Variants in AGBL1 observed in about 807,000 individuals in gnomAD.
The protein encoded by AGBL1 is cytosolic carboxypeptidase 4.
Under a neutral mutation model 118.9 loss-of-function variants are expected in AGBL1, and 130 were observed. That is an observed-to-expected ratio of 1.09 (90% confidence interval 0.95 to 1.26). The LOEUF (loss-of-function observed/expected upper bound fraction) is 1.26, where lower values mean the gene tolerates loss of function less well. Among genes scored for constraint, AGBL1 ranks in the 50% most tolerant of loss-of-function variants. The pLI is 0.00. For missense variants in AGBL1, 1,584 were observed against 1,298.1 expected (o/e 1.22, Z -3.38); for synonymous variants, 555 against 478.9 (o/e 1.16, Z -2.08).
At chr15:86,735,033 A>C (rs1277876263) in intron 22 of AGBL1, among the ~76,000 whole-genome samples, 1 of 151,910 alleles carries the variant, frequency 6.6e-6, no homozygotes, top group Non-Finnish European at 1.5e-5. Context: ...TAGGCATCAT[A>C]CTCAGTGTGA....
rs565607356 is a variant in AGBL1 at position 86,466,033 on chromosome 15, G to C, written c.2556-56777G>C. Among the ~76,000 whole-genome samples the C allele has an allele frequency of 5.3e-5, 8 of 152,254 alleles. No individual in the cohort carries two copies. The South Asian group carries it at 1.7e-3, about 32-fold the overall frequency. On this transcript the variant is annotated intron_variant, in intron 18 of 22. Transcript: ENST00000614907. ...ATGTGATGTCACCCCTGGAGACCCA[G>C]CTGTAAAATTTCTTTCTTTTGTATT...
intron 21 of AGBL1, among the ~76,000 whole-genome samples, chr15:86,596,981 G>T (rs2084417725): frequency 6.6e-6 from 1 of 152,148 alleles, no homozygotes; most frequent in African/African-American, 2.4e-5. Flanking sequence ...GGACCAACAT[G>T]TGACAGATAT....
intron 24 of AGBL1, among the ~76,000 whole-genome samples, chr15:87,017,073 A>G (rs2594335): frequency 0.53 from 81,062 of 151,940 alleles, 24,495 homozygotes; most frequent in South Asian, 0.73. Context: ...ATACCTCACA[A>G]GTTAAGACAC....
intron 22 of AGBL1, among the ~76,000 whole-genome samples, chr15:86,788,003 G>C (rs2078438945): frequency 6.6e-6 from 1 of 152,074 alleles, no homozygotes; most frequent in South Asian, 2.1e-4. Flanking sequence ...CCACCTTCTT[G>C]AACATAAGAA....
intron 17 of AGBL1, among the ~76,000 whole-genome samples, chr15:86,343,338 T>C (rs1185975903): frequency 2.0e-5 from 3 of 151,998 alleles, no homozygotes; most frequent in Non-Finnish European, 4.4e-5. Context: ...AGTCCAGCTT[T>C]TGGTGGGGTC....
chr15:86,642,249 A>G (rs1043531523), intron 21 of AGBL1, among the ~76,000 whole-genome samples: 29 of 152,214 alleles, frequency 1.9e-4, no homozygotes, highest in African/African-American at 7.0e-4. Flanking sequence ...AACAATAAAG[A>G]GATCTGCCAT....
At chr15:86,294,437 C>A (rs1303356222) in intron 16 of AGBL1, among the ~76,000 whole-genome samples, 1 of 147,742 alleles carries the variant, frequency 6.8e-6, no homozygotes, top group Non-Finnish European at 1.5e-5. Context: ...GGATTGTTCA[C>A]CAGGTGTCCT....
intron 1 of AGBL1, among the ~76,000 whole-genome samples, chr15:86,080,512 T>C (rs186192311): frequency 3.3e-5 from 5 of 152,216 alleles, no homozygotes; most frequent in Non-Finnish European, 7.3e-5. Flanking sequence ...CGACTATCAG[T>C]GCATTTTCCC....
At chr15:86,809,655 G>A (rs191559129) in intron 22 of AGBL1, among the ~76,000 whole-genome samples, 221 of 152,264 alleles carry the variant, frequency 1.5e-3, no homozygotes, top group Non-Finnish European at 2.6e-3. Flanking sequence ...TTGGAATTAA[G>A]GGAAGAATGT....
rs987847689 is a variant in AGBL1 at position 86,245,369 on chromosome 15, C to T, written c.527-2302C>T. ...AGCCAGAAGCACATACTGTCTCATA[C>T]GCCAGTGTGAATGGTTTCGATGATG... On this transcript the variant is annotated intron_variant, in intron 6 of 22. Transcript: ENST00000614907. 8.5e-5 allele frequency among the ~76,000 whole-genome samples: 13 copies of T among 152,274 alleles called. 1 individual carries two copies. The Middle Eastern group carries it at 0.027, about 319-fold the overall frequency.
chr15:86,480,276 TATG>T (rs1390822784), intron 18 of AGBL1, among the ~76,000 whole-genome samples: 1 of 152,184 alleles, frequency 6.6e-6, no homozygotes, highest in African/African-American at 2.4e-5. Context: ...TTTGCTTCAG[TATG>T]ATAACCTTTT....
chr15:86,571,780 A>G (rs796744981), intron 21 of AGBL1, among the ~76,000 whole-genome samples: 2 of 152,228 alleles, frequency 1.3e-5, no homozygotes, highest in African/African-American at 4.8e-5. Context: ...AAAGCACCAC[A>G]AGCTCCCCCT....
intron 18 of AGBL1, among the ~76,000 whole-genome samples, chr15:86,491,714 A>C (rs950178003): frequency 2.0e-5 from 3 of 152,060 alleles, no homozygotes; most frequent in African/African-American, 4.8e-5. Context: ...GTTTAAACTG[A>C]TGATTAAACA....
chr15:86,326,109 A>G (rs969188271), intron 17 of AGBL1, among the ~76,000 whole-genome samples: 1 of 152,118 alleles, frequency 6.6e-6, no homozygotes, highest in Non-Finnish European at 1.5e-5. Flanking sequence ...TCCAATTCTC[A>G]TTCATTCTCT....
chr15:86,970,509 A>G (rs2081096320), intron 23 of AGBL1, among the ~76,000 whole-genome samples: 1 of 151,968 alleles, frequency 6.6e-6, no homozygotes, highest in South Asian at 2.1e-4. Context: ...AACGACGTTG[A>G]GCTATGTGCT....
rs1375821364 is a variant in AGBL1 at position 86,910,526 on chromosome 15, G to A, written c.*3232G>A. On this transcript the variant is annotated 3_prime_UTR_variant, in exon 23 of 23. Coordinates refer to ENST00000614907, the MANE Select transcript of AGBL1 (RefSeq NM_001386094.1). ...CATTTTTCCCTTGTTTATGGCTGAG[G>A]GTTTGGTGCTCCTGCTATGCTGGTT... 1 of 152,196 alleles carries A rather than the reference G, an allele frequency of 6.6e-6. No individual in the cohort carries two copies. The highest frequency in any genetic ancestry group is 1.5e-5 in the Non-Finnish European group (1 of 68,044). The allele number at this position is 152,196 out of a possible 1,614,324, so 9.4% of individuals were successfully genotyped here.
intron 23 of AGBL1, among the ~76,000 whole-genome samples, chr15:86,986,997 G>A (rs576556868): frequency 1.3e-5 from 2 of 152,190 alleles, no homozygotes; most frequent in East Asian, 3.9e-4. Context: ...GCGGGCAGGA[G>A]TGGGGGTCAC....
intron 22 of AGBL1, among the ~76,000 whole-genome samples, chr15:86,879,521 C>T (rs1311801326): frequency 6.6e-6 from 1 of 152,160 alleles, no homozygotes; most frequent in African/African-American, 2.4e-5. Context: ...CTCCTCCTTG[C>T]CCTCTTGCTA....
intron 21 of AGBL1, among the ~76,000 whole-genome samples, chr15:86,631,414 A>G (rs1489961176): frequency 1.3e-5 from 2 of 152,216 alleles, no homozygotes; most frequent in Non-Finnish European, 2.9e-5. Context: ...GCATAAGTCA[A>G]AGATAAAGGA....
Sources: gnomAD v4.1 joint callset for allele counts (sites outside exome capture counted in the v4.1 genomes callset) on GRCh38, gnomAD v4.1.1 for gene constraint, MANE v1.5 for transcripts, NCBI Gene and HGNC (gene_info 2026-07-23, HGNC 2026-07-21) for gene names.